The following SHOX variants were observed in gnomAD, a reference collection of about 807,000 sequenced individuals.
The protein encoded by SHOX is short stature homeobox protein.
SHOX carries 12 observed loss-of-function variants against 29.6 expected under a neutral mutation model. The observed-to-expected ratio is 0.41, with a 90% confidence interval of 0.26 to 0.66. The LOEUF (loss-of-function observed/expected upper bound fraction) is 0.66, where lower values mean the gene tolerates loss of function less well. Ranked by LOEUF, SHOX falls within the 30% of genes least tolerant of loss-of-function variation. The probability of loss-of-function intolerance (pLI) is 0.35; values close to 1 mark genes in which losing one functional copy is unlikely to be tolerated. For synonymous variants in SHOX, 214 were observed against 200.6 expected (o/e 1.07, Z -0.57); for missense variants, 499 against 437.7 (o/e 1.14, Z -1.25).
At chrX:655,618 A>C (rs752175582), downstream of SHOX, among the ~76,000 whole-genome samples, 64 of 24,122 alleles carry the variant, frequency 2.7e-3, 1 homozygote, top group African/African-American at 1.0e-2. Flanking sequence ...CTCTCTCTAT[A>C]TATATATATA....
Position 631,128 on chromosome X carries a change from T to A in SHOX, c.231T>A (p.Asn77Lys). 6.2e-7 allele frequency: 1 copy of A among 1,613,360 alleles called. No individual in the cohort carries two copies. Among genetic ancestry groups the A allele is most frequent in the Non-Finnish European group, 8.5e-7 (1 of 1,179,812 alleles). Reference protein sequence around the residue: ...PVHLFKDHVDNDKEKLKEFGT... With the variant: ...PVHLFKDHVDKDKEKLKEFGT... ...ATTTGTTCAAGGACCACGTAGACAA[T>A]GACAAGGAGAAACTGAAAGAATTCG... Residue 77 changes from asparagine to lysine, a missense_variant, in exon 1 of 5, where the codon AAT becomes AAA. Asn to Lys is a moderately conservative substitution (Grantham distance 94, BLOSUM62 0). Coordinates refer to ENST00000686671, the MANE Select transcript of SHOX (RefSeq NM_000451.4).
At position 649,393 on chromosome X, in the gene SHOX, T is replaced by C. The variant is rs73190324; in HGVS notation, c.*4757T>C. 0.037 allele frequency among the ~76,000 whole-genome samples: 5,566 copies of C among 152,166 alleles called. 240 individuals carry two copies. Among genetic ancestry groups the C allele is most frequent in the East Asian group, 0.2 (1,019 of 5,162 alleles). On this transcript the variant is annotated 3_prime_UTR_variant, in exon 5 of 5. Transcript: ENST00000686671. ...GGACTGGGCTGATGGGGACCCTCTGTATGTGATGTGCGTGGGTTTGGTTTC... is the reference window on the plus strand; with the variant it reads ...GGACTGGGCTGATGGGGACCCTCTGCATGTGATGTGCGTGGGTTTGGTTTC...
At chrX:624,897 T>C (rs866480065) in intron 1 of SHOX, among the ~76,000 whole-genome samples, 2 of 71,118 alleles carry the variant, frequency 2.8e-5, no homozygotes, top group East Asian at 2.8e-4. Flanking sequence ...TTTCTTTCTT[T>C]CTTTCTCTCT....
chrX:641,460 A>C (rs2052852146), intron 4 of SHOX, among the ~76,000 whole-genome samples: 1 of 152,086 alleles, frequency 6.6e-6, no homozygotes, highest in Non-Finnish European at 1.5e-5. Context: ...AGGCCGAGGC[A>C]GGTGGATCAC....
chrX:638,639 G>A (rs900043012), intron 2 of SHOX, among the ~76,000 whole-genome samples: 2 of 152,196 alleles, frequency 1.3e-5, no homozygotes, highest in African/African-American at 4.8e-5. Flanking sequence ...TCCGAAAGCT[G>A]GGCTGGAAGC....
chrX:625,052 T>TTCCGTCCCTCCCTCCC (rs1569491776), intron 1 of SHOX, among the ~76,000 whole-genome samples: 1 of 64,126 alleles, frequency 1.6e-5, no homozygotes, highest in Non-Finnish European at 2.8e-5. Flanking sequence ...CCTCCCTCTG[T>TTCCGTCCCTCCCTCCC]TCCTTCCTCC....
At chrX:652,259 G>C (rs1291611501), downstream of SHOX, among the ~76,000 whole-genome samples, 2 of 151,592 alleles carry the variant, frequency 1.3e-5, no homozygotes. Context: ...GCACGGTCTT[G>C]CAAGGATGAT....
At chrX:634,470 C>CT in intron 1 of SHOX, 148 bp from the exon 2 acceptor site, 1 of 807,242 alleles carries the variant, frequency 1.2e-6, no homozygotes, top group East Asian at 2.7e-5. Flanking sequence ...TCCTCCTCGG[C>CT]TTTTGCCTTA....
chrX:641,415 G>A (rs1218852454), intron 4 of SHOX, among the ~76,000 whole-genome samples: 1 of 152,080 alleles, frequency 6.6e-6, no homozygotes, highest in African/African-American at 2.4e-5. Flanking sequence ...CAAAATGGGT[G>A]TGGTGGCTCA....
chrX:631,779 G>A (rs1209797769), intron 1 of SHOX: 1 of 413,502 alleles, frequency 2.4e-6, no homozygotes, highest in Non-Finnish European at 4.9e-6. Flanking sequence ...TGATCCACCC[G>A]CCTCGGCCTC....
rs1208243544 is a variant in SHOX, at chrX:651,290, A to C, written c.*6654A>C. 5.9e-5 allele frequency: 27 copies of C among 455,734 alleles called. No individual in the cohort carries two copies. The highest frequency in any genetic ancestry group is 1.2e-4 in the Non-Finnish European group (27 of 226,774). 28.2% of individuals were successfully genotyped at this position (455,734 alleles called of 1,614,324 possible). A position where few individuals can be genotyped will look rare whatever the true frequency, so the allele number is the denominator to read the frequency against. ...TACAAATACATCTACAGATATTTTC[A>C]GGGATTGCTTCAGATGAAAACAAAT... On this transcript the variant is annotated 3_prime_UTR_variant, in exon 5 of 5. Coordinates refer to ENST00000686671, the MANE Select transcript of SHOX (RefSeq NM_000451.4).
intron 5 of SHOX, among the ~76,000 whole-genome samples, chrX:658,526 A>C (rs745577765): frequency 2.7e-5 from 4 of 148,052 alleles, no homozygotes; most frequent in Admixed American, 6.8e-5. Context: ...GCTGGAGTGC[A>C]GTGGCACGAT....
chrX:648,427 G>A lies in SHOX; in HGVS notation c.*3791G>A, dbSNP rs777028339. Among the ~76,000 whole-genome samples the A allele has an allele frequency of 4.9e-3, 743 of 152,274 alleles. No individual in the cohort carries two copies. Among genetic ancestry groups the A allele is most frequent in the Non-Finnish European group, 8.5e-3 (575 of 68,014 alleles). The stretch of plus-strand genomic sequence containing the variant: ...TTTTTGGTAGAGACAGGTTTTTGCT[G>A]TGTTGGCCCGGCTGGTCTCAAACTC... On this transcript the variant is annotated 3_prime_UTR_variant, in exon 5 of 5. Transcript: ENST00000686671.
chrX:644,084 C>A (rs71204371), intron 4 of SHOX, among the ~76,000 whole-genome samples: 2,733 of 152,172 alleles, frequency 0.018, 36 homozygotes, highest in Non-Finnish European at 0.029. Flanking sequence ...GTCCCTGAAT[C>A]CCTGCGAAGA....
In SHOX at chrX:634,833, AC is replaced by A. The variant is rs1468894520; in HGVS notation, c.486+10del. ...CTCCGAGGCGCGCGTGCAGGTAGGA[AC>A]CCGGGGGCGGGGGCGGGGGGCCCGG... On this transcript the variant is annotated splice_region_variant and intron_variant, in intron 2 of 4. Transcript: ENST00000686671. 1.7e-5 allele frequency: 25 copies of A among 1,453,430 alleles called. No homozygotes were observed. The highest frequency in any genetic ancestry group is 2.3e-5 in the Non-Finnish European group (24 of 1,059,630). The allele number at this position is 1,453,430 out of a possible 1,614,324, so 90.0% of individuals were successfully genotyped here. A position where few individuals can be genotyped will look rare whatever the true frequency, so the allele number is the denominator to read the frequency against.
rs1569491739 is a variant in SHOX at position 624,930 on chromosome X, CTTTTCTTT to C, written c.-433+329_-433+336del. ...TCTTCCTTTCTTTCTTTCTTTCTTT[CTTTTCTTT>C]CTTTCACTTGGCAAGATTGCTTTTG... is the stretch of plus-strand genomic sequence containing the variant. On this transcript the variant is annotated intron_variant, in intron 1 of 5. Coordinates refer to the SHOX transcript ENST00000334060. Among the ~76,000 whole-genome samples the C allele has an allele frequency of 1.4e-3, 157 of 115,290 alleles. 1 individual carries two copies. Among genetic ancestry groups the C allele is most frequent in the African/African-American group, 5.0e-3 (148 of 29,608 alleles). The allele number at this position is 115,290 out of a possible 152,430, so 75.6% of individuals were successfully genotyped here.
In SHOX at chrX:646,620, C is replaced by T. The variant is rs1378030632; in HGVS notation, c.*1984C>T. 2.6e-5 allele frequency: 4 copies of T among 151,946 alleles called. No individual in the cohort carries two copies. Among genetic ancestry groups the T allele is most frequent in the African/African-American group, 7.3e-5 (3 of 41,358 alleles). 9.4% of individuals were successfully genotyped at this position (151,946 alleles called of 1,614,324 possible). On this transcript the variant is annotated 3_prime_UTR_variant, in exon 5 of 5. Coordinates refer to ENST00000686671, the MANE Select transcript of SHOX (RefSeq NM_000451.4). ...GCTGAACTGTAGATCCATTTGGACC[C>T]GTCTCATTTGTATCTTCTGATATTC...
chrX:629,929 C>A (rs943235017), upstream of SHOX, among the ~76,000 whole-genome samples: 1 of 152,192 alleles, frequency 6.6e-6, no homozygotes, highest in African/African-American at 2.4e-5. Context: ...ACCAAAAACA[C>A]AAGTATTTTT....
chrX:637,412 G>T lies in SHOX; in HGVS notation c.486+2586G>T, dbSNP rs1017069011. On this transcript the variant is annotated intron_variant, in intron 2 of 4. Transcript: ENST00000686671. ...ATTTAATTCCACACTATTTCTTTCC[G>T]TAGTCTATTACCGACGAGAGCACGT... Among the ~76,000 whole-genome samples the T allele has an allele frequency of 4.0e-5, 6 of 151,568 alleles. 1 individual carries two copies. Among genetic ancestry groups the T allele is most frequent in the African/African-American group, 1.5e-4 (6 of 41,176 alleles).
Sources: allele counts gnomAD v4.1 joint callset (sites outside exome capture counted in the v4.1 genomes callset), GRCh38; gene constraint gnomAD v4.1.1; transcripts MANE v1.5; gene names NCBI Gene and HGNC (gene_info 2026-07-23, HGNC 2026-07-21).